Variants in MACROH2A1 observed in about 807,000 individuals in gnomAD.
The protein encoded by MACROH2A1 is core histone macro-H2A.1.
In MACROH2A1, 2 loss-of-function variants were observed where a neutral mutation model predicts 31.6. That is an observed-to-expected ratio of 0.06 (90% CI 0.03 to 0.20). The LOEUF (loss-of-function observed/expected upper bound fraction) is 0.20. Ranked by LOEUF, MACROH2A1 falls within the 10% of genes least tolerant of loss-of-function variation. The pLI, the probability that MACROH2A1 is intolerant of heterozygous loss-of-function variation, is 1.00. For synonymous variants in MACROH2A1, 169 were observed against 189.6 expected (o/e 0.89, Z 0.89); for missense variants, 230 against 474.0 (o/e 0.49, Z 4.78).
chr5:135,390,462 A>C (rs540113709), intron 1 of MACROH2A1, among the ~76,000 whole-genome samples: 14 of 152,342 alleles, frequency 9.2e-5, no homozygotes, highest in African/African-American at 3.4e-4. Flanking sequence ...GTGGGGAAAA[A>C]GACAATAAAT....
intron 6 of MACROH2A1, among the ~76,000 whole-genome samples, chr5:135,352,026 G>A (rs1219607173): frequency 2.6e-5 from 4 of 151,970 alleles, no homozygotes; most frequent in Non-Finnish European, 4.4e-5. Context: ...CACCCAGTTC[G>A]TGTGGGTCAG....
intron 2 of MACROH2A1, among the ~76,000 whole-genome samples, chr5:135,386,482 A>G (rs1041784203): frequency 6.6e-6 from 1 of 152,260 alleles, no homozygotes; most frequent in African/African-American, 2.4e-5. Flanking sequence ...ATTATTTAAT[A>G]TACAAGAGCT....
intron 6 of MACROH2A1, among the ~76,000 whole-genome samples, chr5:135,348,020 AGT>A (rs1024247986): frequency 1.3e-5 from 2 of 152,248 alleles, no homozygotes; most frequent in African/African-American, 4.8e-5. Context: ...TCTTAGGAAG[AGT>A]GTTTAAAATT....
chr5:135,394,662 G>A lies in MACROH2A1; in HGVS notation c.-34+4400C>T, dbSNP rs534703012. ...GCCCTTCCTTCCATCATGATTGCCA[G>A]TCACTCTAGATCCCATTTACATATA... On this transcript the variant is annotated intron_variant, in intron 1 of 8. Coordinates refer to ENST00000511689, the MANE Select transcript of MACROH2A1 (RefSeq NM_138610.3). 3.3e-4 allele frequency among the ~76,000 whole-genome samples: 50 copies of A among 152,232 alleles called. No homozygotes were observed. In the South Asian group the frequency reaches 4.8e-3, roughly 15 times the overall value.
At chr5:135,387,615 G>A (rs925196388) in intron 2 of MACROH2A1, among the ~76,000 whole-genome samples, 2 of 152,178 alleles carry the variant, frequency 1.3e-5, no homozygotes, top group African/African-American at 4.8e-5. Context: ...CACAGTGAAA[G>A]CATTACGACA....
At chr5:135,389,767 C>T (rs1286069651) in intron 1 of MACROH2A1, among the ~76,000 whole-genome samples, 1 of 152,194 alleles carries the variant, frequency 6.6e-6, no homozygotes, top group East Asian at 1.9e-4. Context: ...CCCTCCTCTA[C>T]ACCTCTTGTG....
chr5:135,392,580 T>C (rs751821636), intron 1 of MACROH2A1, among the ~76,000 whole-genome samples: 34 of 152,230 alleles, frequency 2.2e-4, no homozygotes, highest in Non-Finnish European at 3.7e-4. Flanking sequence ...AAACACCCTT[T>C]TGAAAACCAA....
chr5:135,361,078 T>A (rs3756366), intron 4 of MACROH2A1: 4 of 279,910 alleles, frequency 1.4e-5, no homozygotes, highest in Non-Finnish European at 2.8e-5. Context: ...GCTTCCACCC[T>A]TCCTTCCTTA....
At chr5:135,342,718 C>CA (rs1291054286) in intron 8 of MACROH2A1, among the ~76,000 whole-genome samples, 1 of 152,184 alleles carries the variant, frequency 6.6e-6, no homozygotes, top group African/African-American at 2.4e-5. Context: ...CCCATTACCT[C>CA]ATTAGCAGGC....
intron 6 of MACROH2A1, chr5:135,350,786 GCA>G (rs745589745): frequency 3.2e-5 from 40 of 1,254,716 alleles, no homozygotes; most frequent in Middle Eastern, 2.0e-4. Flanking sequence ...GACTGACCAT[GCA>G]CACACACACT....
intron 4 of MACROH2A1, among the ~76,000 whole-genome samples, chr5:135,366,354 A>AG (rs1166581523): frequency 1.3e-5 from 2 of 152,194 alleles, no homozygotes; most frequent in Non-Finnish European, 2.9e-5. Context: ...AGAATATGAC[A>AG]GGGGCAGTGA....
intron 8 of MACROH2A1, among the ~76,000 whole-genome samples, chr5:135,336,598 T>C (rs1480846726): frequency 6.6e-6 from 1 of 152,052 alleles, no homozygotes; most frequent in African/African-American, 2.4e-5. Context: ...AGAGTGGTGT[T>C]AGACCTGCGC....
intron 5 of MACROH2A1, chr5:135,353,820 G>A (rs1449088839): frequency 1.3e-5 from 2 of 152,012 alleles, no homozygotes; most frequent in African/African-American, 4.8e-5. Flanking sequence ...CACTGAATGG[G>A]TGTCCCCCAG....
At chr5:135,375,049 A>C (rs993858431) in intron 2 of MACROH2A1, among the ~76,000 whole-genome samples, 6 of 152,238 alleles carry the variant, frequency 3.9e-5, no homozygotes, top group African/African-American at 1.4e-4. Flanking sequence ...AGTGTGGTAA[A>C]GTTCCCAATT....
In MACROH2A1 at chr5:135,340,414, G is replaced by T. The variant is rs377325679; in HGVS notation, c.953+2846C>A. Among the ~76,000 whole-genome samples, 11 of 152,204 alleles carry T rather than the reference G, an allele frequency of 7.2e-5. No individual in the cohort carries two copies. In the South Asian group the frequency reaches 2.1e-3, roughly 29 times the overall value. ...TTCCTTTTAAGCTTATAAATCTAAG[G>T]AAAGTTTAATCAAAGCCCCAAACTA... On this transcript the variant is annotated intron_variant, in intron 8 of 8. Transcript: ENST00000511689.
At chr5:135,395,406 C>G (rs1767831865) in intron 1 of MACROH2A1, among the ~76,000 whole-genome samples, 1 of 152,164 alleles carries the variant, frequency 6.6e-6, no homozygotes, top group African/African-American at 2.4e-5. Flanking sequence ...TCTCCAGCCC[C>G]TGAGGATAGA....
intron 8 of MACROH2A1, 56 bp from the exon 9 acceptor site, chr5:135,335,197 C>G (rs369531615): frequency 3.4e-4 from 463 of 1,376,898 alleles, no homozygotes; most frequent in Middle Eastern, 9.1e-4. Flanking sequence ...GCTGCAGGAC[C>G]TGCCCCACCT....
At chr5:135,353,852 G>A (rs1445712406) in intron 5 of MACROH2A1, 3 of 152,216 alleles carry the variant, frequency 2.0e-5, no homozygotes, top group Non-Finnish European at 4.4e-5. Context: ...CTGTTACAAT[G>A]GCAACCCTGG....
chr5:135,351,157 C>G, intron 6 of MACROH2A1: 1 of 397,528 alleles, frequency 2.5e-6, no homozygotes, highest in Non-Finnish European at 4.6e-6. Context: ...AAGAGAAACA[C>G]ACACATGAGA....
Sources: gnomAD v4.1 joint callset for allele counts (sites outside exome capture counted in the v4.1 genomes callset) on GRCh38, gnomAD v4.1.1 for gene constraint, MANE v1.5 for transcripts, NCBI Gene and HGNC (gene_info 2026-07-23, HGNC 2026-07-21) for gene names.